The following STK39 variants were observed in gnomAD, a reference collection of about 807,000 sequenced individuals.
STK39 encodes the protein serine/threonine kinase 39, also known as STE20/SPS1-related proline-alanine-rich protein kinase.
STK39 carries 20 observed loss-of-function variants against 77.8 expected under a neutral mutation model. The ratio of observed to expected loss-of-function variants is 0.26; its 90% CI spans 0.18 to 0.37. The LOEUF (loss-of-function observed/expected upper bound fraction) is 0.37, where lower values mean the gene tolerates loss of function less well. Among genes scored for constraint, STK39 ranks in the 10% least tolerant of loss-of-function variants. The probability of loss-of-function intolerance (pLI) is 1.00; values close to 1 mark genes in which losing one functional copy is unlikely to be tolerated. For missense variants in STK39, 479 were observed against 656.5 expected (o/e 0.73, Z 2.95); for synonymous variants, 246 against 234.1 (o/e 1.05, Z -0.47).
rs780462861 is a variant in STK39 at position 168,182,029 on chromosome 2, T to C, written c.270A>G (p.Ala90=). ...ATTTTTCCAAGTTGATCCGTTTTAT[T>C]GCTACACGTTCTTGCCTGGGTTTGC... is the stretch of plus-strand genomic sequence containing the variant. ...ALCKPRQERV[A]IKRINLEKCQ... is the part of the protein sequence containing the mutation. Residue 90 remains alanine, a synonymous_variant, in exon 2 of 18, where the codon GCA becomes GCG. Coordinates refer to ENST00000355999, the MANE Select transcript of STK39 (RefSeq NM_013233.3). 9.9e-6 allele frequency: 16 copies of C among 1,613,960 alleles called. No individual in the cohort carries two copies. The highest frequency in any genetic ancestry group is 1.3e-5 in the African/African-American group (1 of 74,938).
intron 8 of STK39, among the ~76,000 whole-genome samples, chr2:168,136,351 G>C (rs1219000796): frequency 1.4e-5 from 2 of 143,018 alleles, no homozygotes; most frequent in Non-Finnish European, 3.0e-5. Flanking sequence ...CCCAGTGACA[G>C]AGCAAGACTC....
chr2:168,237,426 T>C (rs1423259837), intron 1 of STK39, among the ~76,000 whole-genome samples: 1 of 152,230 alleles, frequency 6.6e-6, no homozygotes, highest in Non-Finnish European at 1.5e-5. Flanking sequence ...CCTAACTGAA[T>C]ACCCTTTATT....
At chr2:168,185,319 G>A (rs763122046) in intron 1 of STK39, among the ~76,000 whole-genome samples, 13 of 152,242 alleles carry the variant, frequency 8.5e-5, no homozygotes, top group South Asian at 8.3e-4. Context: ...AAGTGGGCAC[G>A]GCTTTAAATC....
At chr2:168,046,358 CCTT>C (rs1212625208) in intron 14 of STK39, among the ~76,000 whole-genome samples, 1 of 152,068 alleles carries the variant, frequency 6.6e-6, no homozygotes, top group Admixed American at 6.6e-5. Context: ...GAGGGAGACT[CCTT>C]CATCTCAAAA....
At chr2:167,965,600 T>A in intron 16 of STK39, among the ~76,000 whole-genome samples, 1 of 152,152 alleles carries the variant, frequency 6.6e-6, no homozygotes, top group East Asian at 1.9e-4. Flanking sequence ...ACACCTGAAG[T>A]ATAAAGTCCT....
intron 16 of STK39, among the ~76,000 whole-genome samples, chr2:167,966,353 G>A (rs1692160885): frequency 6.6e-6 from 1 of 152,180 alleles, no homozygotes; most frequent in African/African-American, 2.4e-5. Flanking sequence ...AGGGCACTCT[G>A]ACTACATGCA....
chr2:168,159,649 A>C (rs1197184054), intron 5 of STK39, among the ~76,000 whole-genome samples: 1 of 152,226 alleles, frequency 6.6e-6, no homozygotes, highest in Non-Finnish European at 1.5e-5. Flanking sequence ...TTAAATGTGA[A>C]TTCTAGAAAG....
intron 10 of STK39, among the ~76,000 whole-genome samples, chr2:168,096,196 C>A (rs1450166733): frequency 2.0e-5 from 3 of 151,680 alleles, no homozygotes; most frequent in African/African-American, 7.3e-5. Context: ...AAAATTGATT[C>A]GTGTTTATTA....
rs534885065 is a variant in STK39, at chr2:168,032,633, G to A, written c.1377-15538C>T. On this transcript the variant is annotated intron_variant, in intron 14 of 17. Coordinates refer to ENST00000355999, the MANE Select transcript of STK39 (RefSeq NM_013233.3). ...AGACAAGTTCTCACTCTTCAGAAGT[G>A]TATATACAGTGCATCCTGCAAACAA... 2.0e-5 allele frequency among the ~76,000 whole-genome samples: 3 copies of A among 152,334 alleles called. No individual in the cohort carries two copies. In the East Asian group the frequency reaches 5.8e-4, roughly 29 times the overall value.
At chr2:167,980,937 A>G (rs1683402394) in intron 16 of STK39, among the ~76,000 whole-genome samples, 1 of 151,942 alleles carries the variant, frequency 6.6e-6, no homozygotes, top group Non-Finnish European at 1.5e-5. Context: ...GTAAAGGTTT[A>G]ACAGCCAGTG....
At chr2:168,121,119 TC>T in intron 10 of STK39, among the ~76,000 whole-genome samples, 1 of 152,320 alleles carries the variant, frequency 6.6e-6, no homozygotes, top group East Asian at 1.9e-4. Flanking sequence ...TATATTTCCT[TC>T]CTGTCCTCTC....
At chr2:168,153,281 T>C (rs1028541811) in intron 5 of STK39, among the ~76,000 whole-genome samples, 1 of 152,244 alleles carries the variant, frequency 6.6e-6, no homozygotes, top group Non-Finnish European at 1.5e-5. Flanking sequence ...GTACTGGGAC[T>C]GTAGACCAGA....
intron 1 of STK39, among the ~76,000 whole-genome samples, chr2:168,194,088 A>C (rs1478936869): frequency 6.6e-6 from 1 of 152,142 alleles, no homozygotes; most frequent in Non-Finnish European, 1.5e-5. Flanking sequence ...AAGAATAATA[A>C]TTCAGAAATG....
intron 10 of STK39, among the ~76,000 whole-genome samples, chr2:168,076,095 C>A (rs534911121): frequency 2.6e-5 from 4 of 152,298 alleles, no homozygotes; most frequent in African/African-American, 9.6e-5. Flanking sequence ...TTAAACAAAG[C>A]ACTGTAGCAG....
At chr2:168,200,301 C>G (rs1689580907) in intron 1 of STK39, among the ~76,000 whole-genome samples, 2 of 152,138 alleles carry the variant, frequency 1.3e-5, no homozygotes, top group South Asian at 4.1e-4. Flanking sequence ...AAGACACATA[C>G]ATGCCAAACT....
chr2:167,988,087 G>C (rs1414132588), intron 16 of STK39, among the ~76,000 whole-genome samples: 1 of 152,136 alleles, frequency 6.6e-6, no homozygotes, highest in Non-Finnish European at 1.5e-5. Context: ...GCTCTCTGGT[G>C]ATTGTACACA....
rs142782415 is a variant in STK39, at chr2:168,138,114, C to A, written c.948G>T (p.Leu316=). The change falls in exon 8 of 18, where the codon CTG becomes CTT. Residue 316 remains leucine (L), a synonymous_variant. Coordinates refer to ENST00000355999, the MANE Select transcript of STK39 (RefSeq NM_013233.3). ...YGKSFRKLLS[L]CLQKDPSKRP... ...TTTTGGAAGGATCTTTCTGAAGACACAGTGAAAGTAATTTTCTAAAGGACT... is the reference window on the plus strand; with the variant it reads ...TTTTGGAAGGATCTTTCTGAAGACAAAGTGAAAGTAATTTTCTAAAGGACT... The A allele has an allele frequency of 7.4e-6, 12 of 1,613,926 alleles. No homozygotes were observed. The African/African-American group carries it at 1.2e-4, about 16-fold the overall frequency.
chr2:168,239,221 G>T (rs1258450216), intron 1 of STK39, among the ~76,000 whole-genome samples: 2 of 152,312 alleles, frequency 1.3e-5, no homozygotes, highest in East Asian at 3.9e-4. Context: ...ACTTCAAGGT[G>T]AGTGTTATAT....
At chr2:168,229,213 A>G (rs994439466) in intron 1 of STK39, among the ~76,000 whole-genome samples, 8 of 152,008 alleles carry the variant, frequency 5.3e-5, no homozygotes. Context: ...GGTGAAACCC[A>G]TCTCTACTAA....
Sources: allele counts gnomAD v4.1 joint callset (sites outside exome capture counted in the v4.1 genomes callset), GRCh38; gene constraint gnomAD v4.1.1; transcripts MANE v1.5; gene names NCBI Gene and HGNC (gene_info 2026-07-23, HGNC 2026-07-21).